ANKS1B: variants seen among roughly 807,000 people sequenced by gnomAD.
ANKS1B encodes ankyrin repeat and sterile alpha motif domain containing 1B.
In ANKS1B, 36 loss-of-function variants were observed where a neutral mutation model predicts 148.3. That is an observed-to-expected ratio of 0.24 (90% confidence interval 0.19 to 0.32). The LOEUF (loss-of-function observed/expected upper bound fraction) is 0.32, where lower values mean the gene tolerates loss of function less well. Among genes scored for constraint, ANKS1B ranks in the 10% least tolerant of loss-of-function variants. The pLI, the probability that ANKS1B is intolerant of heterozygous loss-of-function variation, is 1.00. For missense variants in ANKS1B, 1,157 were observed against 1,542.6 expected, an observed-to-expected ratio of 0.75 and a Z score of 4.19; for synonymous variants, 542 against 560.8, an observed-to-expected ratio of 0.97 and a Z score of 0.47.
chr12:99,062,617 G>A (rs1315212750), intron 16 of ANKS1B, among the ~76,000 whole-genome samples: 3 of 152,110 alleles, frequency 2.0e-5, no homozygotes, highest in African/African-American at 4.8e-5. Flanking sequence ...ATAGGTCATC[G>A]GAAATAGGTC....
intron 1 of ANKS1B, among the ~76,000 whole-genome samples, chr12:99,944,486 C>A (rs1224484196): frequency 6.6e-6 from 1 of 152,146 alleles, no homozygotes; most frequent in Non-Finnish European, 1.5e-5. Flanking sequence ...GAGCTAGATA[C>A]AATGTGATGT....
chr12:98,884,724 G>A (rs577450356), intron 17 of ANKS1B, among the ~76,000 whole-genome samples: 60 of 151,328 alleles, frequency 4.0e-4, no homozygotes, highest in Non-Finnish European at 7.5e-4. Context: ...GCGTGAACCC[G>A]GGAAGCGGAG....
chr12:99,580,884 A>G (rs2097563934), intron 9 of ANKS1B, among the ~76,000 whole-genome samples: 1 of 152,188 alleles, frequency 6.6e-6, no homozygotes. Context: ...TTATGTGCCA[A>G]TTTAAATAAA....
chr12:99,125,843 T>C (rs1441669340), intron 15 of ANKS1B, among the ~76,000 whole-genome samples: 2 of 151,894 alleles, frequency 1.3e-5, no homozygotes, highest in South Asian at 2.1e-4. Flanking sequence ...GTCTGATAAA[T>C]ACCTGATACT....
intron 14 of ANKS1B, among the ~76,000 whole-genome samples, chr12:99,185,096 A>AACAC (rs1487028862): frequency 2.0e-5 from 3 of 152,244 alleles, no homozygotes; most frequent in Non-Finnish European, 4.4e-5. Context: ...TTGGTCCAAG[A>AACAC]GCTGCATCAG....
At chr12:99,108,477 T>C (rs2059663671) in intron 15 of ANKS1B, among the ~76,000 whole-genome samples, 1 of 152,172 alleles carries the variant, frequency 6.6e-6, no homozygotes, top group Non-Finnish European at 1.5e-5. Context: ...ATTGGGGCCC[T>C]GAAGAAAGAA....
intron 4 of ANKS1B, among the ~76,000 whole-genome samples, chr12:99,788,586 G>A (rs993916124): frequency 6.6e-6 from 1 of 152,152 alleles, no homozygotes; most frequent in African/African-American, 2.4e-5. Context: ...AAACAGCAGA[G>A]GGAAAAGTAA....
At chr12:98,742,947 G>GTGTT (rs1485279292), downstream of ANKS1B, among the ~76,000 whole-genome samples, 1 of 152,190 alleles carries the variant, frequency 6.6e-6, no homozygotes, top group African/African-American at 2.4e-5. Flanking sequence ...TTCAAAAAAT[G>GTGTT]TGTTTCGAAC....
chr12:99,660,820 C>T (rs542937557), intron 8 of ANKS1B, among the ~76,000 whole-genome samples: 1 of 152,046 alleles, frequency 6.6e-6, no homozygotes, highest in East Asian at 1.9e-4. Flanking sequence ...TAATATGATC[C>T]AAAAGGCTAT....
chr12:99,205,322 A>T (rs550658851), intron 14 of ANKS1B, among the ~76,000 whole-genome samples: 2 of 152,174 alleles, frequency 1.3e-5, no homozygotes, highest in Non-Finnish European at 2.9e-5. Context: ...TCTGTGTATA[A>T]ACCAATGTCC....
At chr12:99,389,385 G>A (rs556170276) in intron 12 of ANKS1B, among the ~76,000 whole-genome samples, 2 of 152,290 alleles carry the variant, frequency 1.3e-5, no homozygotes, top group South Asian at 4.1e-4. Flanking sequence ...TAGAGAAAAA[G>A]GACTTGTAGT....
intron 12 of ANKS1B, among the ~76,000 whole-genome samples, chr12:99,261,575 G>A (rs2075926203): frequency 1.3e-5 from 2 of 152,038 alleles, no homozygotes; most frequent in African/African-American, 2.4e-5. Context: ...TACTGTCTTA[G>A]TTATCCTTAT....
chr12:99,594,296 T>C (rs1252152272), intron 9 of ANKS1B, among the ~76,000 whole-genome samples: 5 of 152,114 alleles, frequency 3.3e-5, no homozygotes, highest in South Asian at 4.1e-4. Flanking sequence ...AAAAACAGTA[T>C]GAAATTTCCT....
At chr12:99,248,497 C>CA (rs2074161715) in intron 12 of ANKS1B, among the ~76,000 whole-genome samples, 1 of 152,186 alleles carries the variant, frequency 6.6e-6, no homozygotes, top group African/African-American at 2.4e-5. Flanking sequence ...TGTCTTCTCA[C>CA]AAAAACAAAA....
intron 1 of ANKS1B, among the ~76,000 whole-genome samples, chr12:99,944,444 C>A (rs547639159): frequency 2.0e-5 from 3 of 152,310 alleles, no homozygotes; most frequent in Admixed American, 6.5e-5. Flanking sequence ...TCAATACTCA[C>A]CTCCTCCTAG....
intron 9 of ANKS1B, among the ~76,000 whole-genome samples, chr12:99,635,566 A>G (rs1321679981): frequency 6.6e-6 from 1 of 152,190 alleles, no homozygotes; most frequent in African/African-American, 2.4e-5. Flanking sequence ...TCCTAGAAAT[A>G]AAAAGTAGAA....
intron 17 of ANKS1B, among the ~76,000 whole-genome samples, chr12:98,935,961 C>T (rs2099818233): frequency 6.6e-6 from 1 of 152,080 alleles, no homozygotes; most frequent in Non-Finnish European, 1.5e-5. Flanking sequence ...TAGTCAACAC[C>T]TTTTCCAGCA....
At chr12:98,816,605 T>TA (rs552768130) in intron 19 of ANKS1B, among the ~76,000 whole-genome samples, 124 of 152,290 alleles carry the variant, frequency 8.1e-4, no homozygotes, top group Non-Finnish European at 1.4e-3. Flanking sequence ...AGCAGAAATT[T>TA]AAAATGTAAA....
chr12:99,441,541 G>A (rs2152788264), intron 11 of ANKS1B, among the ~76,000 whole-genome samples: 1 of 151,972 alleles, frequency 6.6e-6, no homozygotes, highest in Non-Finnish European at 1.5e-5. Context: ...CCTAATTGAA[G>A]TTATATTCTT....
Sources: gnomAD v4.1 joint callset for allele counts (sites outside exome capture counted in the v4.1 genomes callset) on GRCh38, gnomAD v4.1.1 for gene constraint, MANE v1.5 for transcripts, NCBI Gene and HGNC (gene_info 2026-07-23, HGNC 2026-07-21) for gene names.